Variants in PDGFRA observed in about 807,000 individuals in gnomAD.
The protein encoded by PDGFRA is platelet-derived growth factor receptor alpha.
A neutral mutation model predicts 121.5 loss-of-function variants in PDGFRA; 25 were observed. That is an observed-to-expected ratio of 0.21 (90% confidence interval 0.15 to 0.29). PDGFRA has a LOEUF of 0.29. Ranked by LOEUF, PDGFRA falls within the 10% of genes least tolerant of loss-of-function variation. PDGFRA has a pLI of 1.00. For missense variants in PDGFRA, 1,008 were observed against 1,345.1 expected (o/e 0.75, Z 3.92); for synonymous variants, 463 against 494.8 (o/e 0.94, Z 0.85).
At chr4:54,279,973 CTCCT>C (rs1449638364) in intron 15 of PDGFRA, among the ~76,000 whole-genome samples, 1 of 152,052 alleles carries the variant, frequency 6.6e-6, no homozygotes, top group African/African-American at 2.4e-5. Flanking sequence ...TCTTTATCCA[CTCCT>C]TGATTGATGG....
At chr4:54,240,924 G>A (rs1394726324) in intron 1 of PDGFRA, among the ~76,000 whole-genome samples, 1 of 152,152 alleles carries the variant, frequency 6.6e-6, no homozygotes, top group East Asian at 1.9e-4. Context: ...GTTTATGTGT[G>A]TGTATAAATG....
chr4:54,287,398 A>G lies in PDGFRA; in HGVS notation c.2563-32A>G, dbSNP rs370705190. On this transcript the variant is annotated intron_variant, in intron 18 of 22. Coordinates refer to ENST00000257290, the MANE Select transcript of PDGFRA (RefSeq NM_006206.6). Reference sequence around the variant, plus strand: ...TGCTGTGGATCATCAGTGAGTAGACATGGGTTTAACTGTCTCCCTCCTTCC... The same window carrying G: ...TGCTGTGGATCATCAGTGAGTAGACGTGGGTTTAACTGTCTCCCTCCTTCC... The G allele has an allele frequency of 5.3e-5, 45 of 852,096 alleles. No individual in the cohort carries two copies. In the African/African-American group the frequency reaches 6.9e-4, roughly 13 times the overall value. The allele number at this position is 852,096 out of a possible 1,614,324, so 52.8% of individuals were successfully genotyped here.
At chr4:54,259,236 G>C (rs927372058) in intron 2 of PDGFRA, among the ~76,000 whole-genome samples, 2 of 152,086 alleles carry the variant, frequency 1.3e-5, no homozygotes, top group Non-Finnish European at 2.9e-5. Context: ...TTAAGGCCAG[G>C]AGTTCAAGGT....
Position 54,277,245 on chromosome 4 carries a change from C to G in PDGFRA, c.1787-143C>G, listed in dbSNP as rs113678649. The stretch of plus-strand genomic sequence containing the variant: ...TGTGGGCTCAATTCCTTTTTTGACA[C>G]GATGACTTGGAGGAGTCATTATGAT... On this transcript the variant is annotated intron_variant, in intron 12 of 22. Coordinates refer to ENST00000257290, the MANE Select transcript of PDGFRA (RefSeq NM_006206.6). The G allele has an allele frequency of 1.0e-3, 728 of 707,724 alleles. 7 individuals are homozygous for G. In the African/African-American group the frequency reaches 0.011, roughly 11 times the overall value. The allele number at this position is 707,724 out of a possible 1,614,324, so 43.8% of individuals were successfully genotyped here.
At chr4:54,232,590 T>G (rs1560443147) in intron 1 of PDGFRA, among the ~76,000 whole-genome samples, 1 of 151,830 alleles carries the variant, frequency 6.6e-6, no homozygotes, top group Non-Finnish European at 1.5e-5. Flanking sequence ...GAAGGCACTT[T>G]TGTGTGTGTG....
chr4:54,253,461 G>A (rs530103195), intron 1 of PDGFRA, among the ~76,000 whole-genome samples: 2 of 152,282 alleles, frequency 1.3e-5, no homozygotes, highest in East Asian at 3.9e-4. Context: ...AAGGCTAAGA[G>A]GATGGGGGTA....
intron 3 of PDGFRA, among the ~76,000 whole-genome samples, chr4:54,262,177 G>A (rs1197752924): frequency 1.3e-5 from 2 of 151,804 alleles, no homozygotes; most frequent in African/African-American, 2.4e-5. Context: ...TGATCTGCCT[G>A]CTTCGGCCTC....
chr4:54,279,720 C>A (rs139322184), intron 15 of PDGFRA, among the ~76,000 whole-genome samples: 1 of 151,988 alleles, frequency 6.6e-6, no homozygotes, highest in African/African-American at 2.4e-5. Flanking sequence ...AATTTTTCCC[C>A]GAGTCCCCAA....
intron 5 of PDGFRA, among the ~76,000 whole-genome samples, chr4:54,266,107 C>T (rs1319313040): frequency 6.6e-6 from 1 of 152,206 alleles, no homozygotes; most frequent in African/African-American, 2.4e-5. Flanking sequence ...TGATTTGGTT[C>T]TTCTGTTCAT....
intron 19 of PDGFRA, 117 bp from the exon 20 acceptor site, chr4:54,288,682 C>T: frequency 1.3e-6 from 1 of 748,276 alleles, no homozygotes; most frequent in African/African-American, 1.7e-5. Flanking sequence ...CTTGAAAAAA[C>T]CAGTGCTTCA....
chr4:54,260,411 T>TTTTTTTG (rs1560465938), intron 2 of PDGFRA, among the ~76,000 whole-genome samples: 7 of 94,198 alleles, frequency 7.4e-5, no homozygotes, highest in Admixed American at 1.5e-4. Flanking sequence ...TTTTTTTTTT[T>TTTTTTTG]TTTTTTTTTT....
intron 2 of PDGFRA, among the ~76,000 whole-genome samples, chr4:54,259,787 G>C (rs774181283): frequency 5.3e-5 from 8 of 152,182 alleles, no homozygotes; most frequent in Non-Finnish European, 1.2e-4. Context: ...AGGAATTATA[G>C]TGGTCATATA....
chr4:54,253,619 T>C (rs1452956514), intron 1 of PDGFRA, among the ~76,000 whole-genome samples: 2 of 152,202 alleles, frequency 1.3e-5, no homozygotes, highest in East Asian at 1.9e-4. Flanking sequence ...GAAGTAATTA[T>C]GATTGAAGAA....
intron 1 of PDGFRA, among the ~76,000 whole-genome samples, chr4:54,239,634 TG>T (rs1386052823): frequency 6.6e-6 from 1 of 152,212 alleles, no homozygotes; most frequent in Non-Finnish European, 1.5e-5. Context: ...TCTTCAATTT[TG>T]GCTCCTTTGT....
intron 1 of PDGFRA, among the ~76,000 whole-genome samples, chr4:54,244,057 G>T (rs571529733): frequency 1.3e-5 from 2 of 152,340 alleles, no homozygotes; most frequent in South Asian, 4.1e-4. Context: ...AAACAAAGCG[G>T]CTGGGAAGCT....
At chr4:54,238,248 A>C (rs556577536) in intron 1 of PDGFRA, among the ~76,000 whole-genome samples, 1 of 152,320 alleles carries the variant, frequency 6.6e-6, no homozygotes, top group South Asian at 2.1e-4. Flanking sequence ...AGGCCACCTT[A>C]CGGTAGAAAT....
intron 12 of PDGFRA, among the ~76,000 whole-genome samples, chr4:54,275,302 T>G (rs1723658821): frequency 6.6e-6 from 1 of 152,224 alleles, no homozygotes; most frequent in Admixed American, 6.5e-5. Context: ...TGACTAAAAA[T>G]GAGCAGATGA....
intron 1 of PDGFRA, among the ~76,000 whole-genome samples, chr4:54,241,848 C>T (rs922322572): frequency 6.6e-6 from 1 of 152,176 alleles, no homozygotes; most frequent in Non-Finnish European, 1.5e-5. Flanking sequence ...CTCATGCACC[C>T]AGCCAGGAAA....
At chr4:54,266,793 C>A (rs1390320588) in intron 5 of PDGFRA, among the ~76,000 whole-genome samples, 1 of 152,036 alleles carries the variant, frequency 6.6e-6, no homozygotes, top group Non-Finnish European at 1.5e-5. Context: ...TCAGCCTGGG[C>A]AATGTATCAA....
Sources: allele counts gnomAD v4.1 joint callset (sites outside exome capture counted in the v4.1 genomes callset), GRCh38; gene constraint gnomAD v4.1.1; transcripts MANE v1.5; gene names NCBI Gene and HGNC (gene_info 2026-07-23, HGNC 2026-07-21).